GGA1: variants seen among roughly 807,000 people sequenced by gnomAD.
GGA1 encodes ADP-ribosylation factor-binding protein GGA1.
GGA1 carries 18 observed loss-of-function variants against 76.9 expected under a neutral mutation model. The observed-to-expected ratio is 0.23, with a 90% CI of 0.16 to 0.35. GGA1 has a LOEUF of 0.35. Among genes scored for constraint, GGA1 ranks in the 10% least tolerant of loss-of-function variants. The probability of loss-of-function intolerance (pLI) is 1.00; values close to 1 mark genes in which losing one functional copy is unlikely to be tolerated. For missense variants in GGA1, 755 were observed against 859.0 expected (o/e 0.88, Z 1.51); for synonymous variants, 342 against 354.7 (o/e 0.96, Z 0.40).
rs2294972 is a variant in GGA1 at position 37,614,028 on chromosome 22, A to C, written c.44-162A>C. On this transcript the variant is annotated intron_variant, in intron 1 of 16. Transcript: ENST00000343632. Reference sequence around the variant, plus strand: ...GCTCATCTGTCTGTCTACACCCACAATCAGGTCTTGAGGCTGTCTGGGCAG... The same window carrying C: ...GCTCATCTGTCTGTCTACACCCACACTCAGGTCTTGAGGCTGTCTGGGCAG... 356,400 of 618,778 alleles carry C rather than the reference A, an allele frequency of 0.58. 104,984 individuals are homozygous for C. Among genetic ancestry groups the C allele is most frequent in the African/African-American group, 0.78 (42,493 of 54,664 alleles). 38.3% of individuals were successfully genotyped at this position (618,778 alleles called of 1,614,324 possible).
chr22:37,614,329 T>TGGAGA lies in GGA1; in HGVS notation c.128+55_128+56insGGAGA. On this transcript the variant is annotated intron_variant, in intron 2 of 16. Transcript: ENST00000343632. Reference sequence around the variant, plus strand: ...GCCCTGCACTCTCCAGAACCCAGTCTCGGGTACAATGGCCTGGGTGGGTGG... The same window carrying TGGAGA: ...GCCCTGCACTCTCCAGAACCCAGTCTGGAGACGGGTACAATGGCCTGGGTGGGTGG... 11 of 1,236,232 alleles carry TGGAGA rather than the reference T, an allele frequency of 8.9e-6. No homozygotes were observed. In the Admixed American group the frequency reaches 1.9e-4, roughly 21 times the overall value. 76.6% of individuals were successfully genotyped at this position (1,236,232 alleles called of 1,614,324 possible).
In GGA1 at chr22:37,632,826, T is replaced by C. The variant is rs1932061050; in HGVS notation, c.*115T>C. ...GCCCATGGCCATTCACCCCCAGGCC[T>C]GGTGCTTCTCCCCACACCCCTGTAG... On this transcript the variant is annotated 3_prime_UTR_variant, in exon 17 of 17. Transcript: ENST00000343632. This position sits in a 1 kb window ranked among gnomAD's most constrained non-coding sequence, Gnocchi z 5.1. 1 of 675,588 alleles carries C rather than the reference T, an allele frequency of 1.5e-6. No individual in the cohort carries two copies. The highest frequency in any genetic ancestry group is 2.3e-5 in the Admixed American group (1 of 44,012). The allele number at this position is 675,588 out of a possible 1,614,324, so 41.8% of individuals were successfully genotyped here. A position where few individuals can be genotyped will look rare whatever the true frequency, so the allele number is the denominator to read the frequency against.
Position 37,625,121 on chromosome 22 carries a change from A to AG in GGA1, c.940+49dup. ...GCTGGGAGGGCACCCATCAGGCTGGAGGGGCACAGAGAGTGCAGGGTGGTG... is the reference window on the plus strand; with the variant it reads ...GCTGGGAGGGCACCCATCAGGCTGGAGGGGGCACAGAGAGTGCAGGGTGGTG... On this transcript the variant is annotated intron_variant, in intron 10 of 16. Coordinates refer to ENST00000343632, the MANE Select transcript of GGA1 (RefSeq NM_013365.5). The surrounding 1 kb of genome is among the most constrained non-coding windows in gnomAD (Gnocchi z 4.1). 6.7e-7 allele frequency: 1 copy of AG among 1,492,270 alleles called. No homozygotes were observed. The highest frequency in any genetic ancestry group is 9.1e-7 in the Non-Finnish European group (1 of 1,093,598). The allele number at this position is 1,492,270 out of a possible 1,614,324, so 92.4% of individuals were successfully genotyped here.
chr22:37,620,501 A>G (rs1168219150), intron 5 of GGA1, 140 bp downstream of exon 5: 1 of 879,196 alleles, frequency 1.1e-6, no homozygotes, highest in Non-Finnish European at 1.8e-6. Flanking sequence ...AAGTACATAC[A>G]GCTAGTGCGG....
At position 37,624,829 on chromosome 22, in the gene GGA1, A is replaced by C; in HGVS notation, c.833-140A>C. 1 of 1,190,406 alleles carries C rather than the reference A, an allele frequency of 8.4e-7. No homozygotes were observed. Among genetic ancestry groups the C allele is most frequent in the Non-Finnish European group, 1.2e-6 (1 of 861,968 alleles). The allele number at this position is 1,190,406 out of a possible 1,614,324, so 73.7% of individuals were successfully genotyped here. A position where few individuals can be genotyped will look rare whatever the true frequency, so the allele number is the denominator to read the frequency against. ...GGAGGTGGCGGAGGGCCAGAGTCTC[A>C]GCAGACGAGATGGGCTGTTTCCCTG... On this transcript the variant is annotated intron_variant, in intron 9 of 16. Coordinates refer to ENST00000343632, the MANE Select transcript of GGA1 (RefSeq NM_013365.5). This position sits in a 1 kb window ranked among gnomAD's most constrained non-coding sequence, Gnocchi z 4.3.
chr22:37,622,376 GC>G (rs1019904406), intron 7 of GGA1, among the ~76,000 whole-genome samples: 1 of 151,668 alleles, frequency 6.6e-6, no homozygotes, highest in African/African-American at 2.4e-5. Context: ...CCACTGCCTG[GC>G]CAAATGTTTA....
intron 6 of GGA1, among the ~76,000 whole-genome samples, chr22:37,621,170 A>G (rs1471204242): frequency 6.6e-6 from 1 of 152,226 alleles, no homozygotes; most frequent in Non-Finnish European, 1.5e-5. Flanking sequence ...CCTTTTCTAT[A>G]AGAATTTCAC....
At chr22:37,611,098 T>G (rs1927476217) in intron 1 of GGA1, among the ~76,000 whole-genome samples, 1 of 152,150 alleles carries the variant, frequency 6.6e-6, no homozygotes, top group South Asian at 2.1e-4. Context: ...TTCTCTAACT[T>G]TAGACTGATG....
chr22:37,616,200 A>G (rs575272225), intron 2 of GGA1, among the ~76,000 whole-genome samples: 1 of 152,162 alleles, frequency 6.6e-6, no homozygotes, highest in Non-Finnish European at 1.5e-5. Context: ...GACCACAAAC[A>G]GCGGTGTGTG....
intron 5 of GGA1, 43 bp from the exon 6 acceptor site, chr22:37,620,770 C>T: frequency 8.3e-7 from 1 of 1,199,696 alleles, no homozygotes; most frequent in Non-Finnish European, 1.2e-6. Context: ...TACCCCTGGG[C>T]CTGGGACATA....
rs1178830030 is a variant in GGA1 at position 37,623,664 on chromosome 22, C to G, written c.832+31C>G. On this transcript the variant is annotated intron_variant, in intron 9 of 16. Transcript: ENST00000343632. This position sits in a 1 kb window ranked among gnomAD's most constrained non-coding sequence, Gnocchi z 4.6. ...CCCAGGGCAGGTGCTGAGGTCAGGTCCCCCCCTCTCCCTCCACCTCCTGCC... is the reference window on the plus strand; with the variant it reads ...CCCAGGGCAGGTGCTGAGGTCAGGTGCCCCCCTCTCCCTCCACCTCCTGCC... 17 of 1,378,468 alleles carry G rather than the reference C, an allele frequency of 1.2e-5. No homozygotes were observed. The East Asian group carries it at 2.0e-4, about 16-fold the overall frequency. 85.4% of individuals were successfully genotyped at this position (1,378,468 alleles called of 1,614,324 possible).
At position 37,609,113 on chromosome 22, in the gene GGA1, C is replaced by G; in HGVS notation, c.43+210C>G. On this transcript the variant is annotated intron_variant, in intron 1 of 16. Transcript: ENST00000343632. ...GGTCCAGCGGTGGGAGCGGGCGCCG[C>G]CCACCTGTCGGATCCCTGGGCCATG... The G allele has an allele frequency of 2.7e-6, 4 of 1,487,154 alleles. No individual in the cohort carries two copies. The South Asian group carries it at 5.0e-5, about 19-fold the overall frequency. 92.1% of individuals were successfully genotyped at this position (1,487,154 alleles called of 1,614,324 possible).
chr22:37,625,065 G>T lies in GGA1; in HGVS notation c.929G>T (p.Gly310Val). ...GAGGTCAACGGTGATGCCACAGCCG[G>T]CTCCATCCCTGGTGAGGAGGTGGCA... ...GEEVNGDATA[G>V]SIPGSTSALL... The change falls in exon 10 of 17, where the codon GGC becomes GTC. Residue 310 changes from glycine to valine, a missense_variant. Transcript: ENST00000343632. This position sits in a 1 kb window ranked among gnomAD's most constrained non-coding sequence, Gnocchi z 4.1. The T allele has an allele frequency of 6.3e-7, 1 of 1,594,228 alleles. No homozygotes were observed.
intron 4 of GGA1, among the ~76,000 whole-genome samples, chr22:37,619,196 G>A (rs1005898753): frequency 2.0e-5 from 3 of 152,060 alleles, no homozygotes; most frequent in African/African-American, 7.2e-5. Context: ...CTCCCAAGTA[G>A]CTGGGATTGC....
Position 37,614,230 on chromosome 22 carries a change from C to G in GGA1, c.84C>G (p.Ala28=), listed in dbSNP as rs771109860. The G allele has an allele frequency of 3.1e-6, 5 of 1,613,794 alleles. No homozygotes were observed. In the Admixed American group the frequency reaches 5.0e-5, roughly 16 times the overall value. The change falls in exon 2 of 17, where the codon GCC becomes GCG. Residue 28 remains alanine, a synonymous_variant. Transcript: ENST00000343632. ...CCCTGAACAAGGAGCTCGACTGGGCCAGCATCAACGGCTTCTGCGAGCAGC... is the reference window on the plus strand; with the variant it reads ...CCCTGAACAAGGAGCTCGACTGGGCGAGCATCAACGGCTTCTGCGAGCAGC... ...TNPLNKELDW[A]SINGFCEQLN...
intron 13 of GGA1, 93 bp downstream of exon 13, chr22:37,630,263 A>AC: frequency 1.1e-6 from 1 of 924,368 alleles, no homozygotes; most frequent in Non-Finnish European, 1.6e-6. Context: ...CCCAGCAGGG[A>AC]GAGGCTCGTT....
chr22:37,614,606 G>A (rs1928395691), intron 2 of GGA1, among the ~76,000 whole-genome samples: 1 of 152,220 alleles, frequency 6.6e-6, no homozygotes, highest in African/African-American at 2.4e-5. Flanking sequence ...CCCAGAGGGA[G>A]AACTGCATGT....
chr22:37,616,866 C>T (rs2273066), intron 2 of GGA1, 56 bp from the exon 3 acceptor site: 57,974 of 1,529,420 alleles, frequency 0.038, 3,915 homozygotes, highest in African/African-American at 0.25. Context: ...GGTCGTGGCC[C>T]TAGGGTGACC....
rs778341426 is a variant in GGA1 at position 37,630,103 on chromosome 22, G to C, written c.1264G>C (p.Asp422His). Residue 422 changes from aspartate to histidine, a missense_variant, in exon 13 of 17, where the codon GAC becomes CAC. Coordinates refer to ENST00000343632, the MANE Select transcript of GGA1 (RefSeq NM_013365.5). ...CCTGCCAGCAAGCAGCGGTCTGGACGACCTAGACCTCCTGGGGAAGACCCT... is the reference window on the plus strand; with the variant it reads ...CCTGCCAGCAAGCAGCGGTCTGGACCACCTAGACCTCCTGGGGAAGACCCT... The part of the protein sequence containing the change: ...TSLPASSGLD[D>H]LDLLGKTLLQ... The C allele has an allele frequency of 2.8e-5, 45 of 1,609,906 alleles. No individual in the cohort carries two copies. Among genetic ancestry groups the C allele is most frequent in the Non-Finnish European group, 3.7e-5 (44 of 1,177,890 alleles).
Sources: gnomAD v4.1 joint callset for allele counts (sites outside exome capture counted in the v4.1 genomes callset) on GRCh38, gnomAD v4.1.1 for gene constraint, Gnocchi (gnomAD v3.1) non-coding constraint, MANE v1.5 for transcripts, NCBI Gene and HGNC (gene_info 2026-07-23, HGNC 2026-07-21) for gene names.